TRPV4: variants seen among roughly 807,000 people sequenced by gnomAD.
TRPV4 encodes transient receptor potential cation channel subfamily V member 4.
TRPV4 carries 58 observed loss-of-function variants against 84.1 expected under a neutral mutation model. The observed-to-expected ratio is 0.69, with a 90% CI of 0.56 to 0.86. TRPV4 has a LOEUF of 0.86. TRPV4 is among the 40% of genes least tolerant of loss of function. The pLI is 0.00. For missense variants in TRPV4, 879 were observed against 1,181.1 expected, an observed-to-expected ratio of 0.74 and a Z score of 3.75; for synonymous variants, 489 against 500.9, an observed-to-expected ratio of 0.98 and a Z score of 0.32.
rs763187409 is a variant in TRPV4, at chr12:109,803,154, A to C, written c.560-11T>G. The C allele has an allele frequency of 6.2e-7, 1 of 1,613,670 alleles. No individual in the cohort carries two copies. ...TCCCCGTAGATGGCTCTAGCAAGAG[A>C]GACACACAAGATGACGCAGTGCTCC... On this transcript the variant is annotated splice_polypyrimidine_tract_variant and intron_variant, in intron 3 of 15. Coordinates refer to ENST00000261740, the MANE Select transcript of TRPV4 (RefSeq NM_021625.5).
chr12:109,818,581 C>T (rs1483490270), intron 1 of TRPV4, among the ~76,000 whole-genome samples: 1 of 151,888 alleles, frequency 6.6e-6, no homozygotes, highest in South Asian at 2.1e-4. Flanking sequence ...ATTACTGCCG[C>T]CCATTCTCAT....
intron 4 of TRPV4, among the ~76,000 whole-genome samples, chr12:109,802,335 C>T (rs375268903): frequency 1.4e-4 from 20 of 147,436 alleles, no homozygotes; most frequent in African/African-American, 4.0e-4. Flanking sequence ...GAGTCTTGCT[C>T]TTGTTGCCCA....
Position 109,798,050 on chromosome 12 carries a change from C to G in TRPV4, c.1152+564G>C, listed in dbSNP as rs1261479887. On this transcript the variant is annotated intron_variant, in intron 6 of 15. Coordinates refer to ENST00000261740, the MANE Select transcript of TRPV4 (RefSeq NM_021625.5). The surrounding 1 kb of genome is among the most constrained non-coding windows in gnomAD (Gnocchi z 5.0). The stretch of plus-strand genomic sequence containing the variant: ...GTTCCCAATCCAGCGATGGTGCCCC[C>G]CAGAGGACAATTCAGCAATGTTCTG... 6.6e-6 allele frequency among the ~76,000 whole-genome samples: 1 copy of G among 152,214 alleles called. No homozygotes were observed. Among genetic ancestry groups the G allele is most frequent in the Non-Finnish European group, 1.5e-5 (1 of 68,044 alleles).
In TRPV4 at chr12:109,783,969, C is replaced by G. The variant is rs535833062; in HGVS notation, c.2459-191G>C. 4.6e-3 allele frequency among the ~76,000 whole-genome samples: 694 copies of G among 152,282 alleles called. 8 individuals are homozygous for G. The highest frequency in any genetic ancestry group is 0.015 in the African/African-American group (638 of 41,542). On this transcript the variant is annotated intron_variant, in intron 15 of 15. Coordinates refer to ENST00000261740, the MANE Select transcript of TRPV4 (RefSeq NM_021625.5). The surrounding 1 kb of genome is among the most constrained non-coding windows in gnomAD (Gnocchi z 4.6). ...CCTCCCCAGGAGAGAATGGAGGAAC[C>G]AGGATTCAAGCCTGGAGCCGAATGC...
At chr12:109,794,919 G>A (rs1890297939) in intron 7 of TRPV4, among the ~76,000 whole-genome samples, 1 of 152,212 alleles carries the variant, frequency 6.6e-6, no homozygotes, top group Non-Finnish European at 1.5e-5. Flanking sequence ...TCCTAAGGCT[G>A]AGGCAGGAGA....
In TRPV4 at chr12:109,794,422, G is replaced by A. The variant is rs146929022; in HGVS notation, c.1398C>T (p.Phe466=). Residue 466 remains phenylalanine (F), a synonymous_variant, in exon 8 of 16, where the codon TTC becomes TTT. Coordinates refer to ENST00000261740, the MANE Select transcript of TRPV4 (RefSeq NM_021625.5). ...CGTTGATGTAGAAGGAGACGGCCCC[G>A]AACTTGCGCCACTTGTCCCGCAGCA... ...NELLRDKWRK[F]GAVSFYINVV... is the part of the protein sequence containing the mutation. The A allele has an allele frequency of 1.5e-4, 235 of 1,614,040 alleles. No individual in the cohort carries two copies. Among genetic ancestry groups the A allele is most frequent in the Middle Eastern group, 4.9e-4 (3 of 6,062 alleles).
At chr12:109,818,227 GC>G (rs1464821214) in intron 1 of TRPV4, among the ~76,000 whole-genome samples, 1 of 152,092 alleles carries the variant, frequency 6.6e-6, no homozygotes, top group African/African-American at 2.4e-5. Flanking sequence ...GAGGGGGAAG[GC>G]CTCCCCACCA....
chr12:109,798,911 C>A lies in TRPV4; in HGVS notation c.855G>T (p.Gly285=), dbSNP rs879253959. 61 of 1,609,184 alleles carry A rather than the reference C, an allele frequency of 3.8e-5. No homozygotes were observed. Among genetic ancestry groups the A allele is most frequent in the Non-Finnish European group, 4.9e-5 (58 of 1,177,304 alleles). ...AGGCAGCCAGCGACAGGGGCAGCTC[C>A]CCTGCGGGCCAGGGTGAAGGGTGGG... The part of the protein sequence containing the change: ...PKDEGGYFYF[G]ELPLSLAACT... Residue 285 remains glycine, a splice_region_variant and synonymous_variant, in exon 6 of 16, where the codon GGG becomes GGT. Coordinates refer to ENST00000261740, the MANE Select transcript of TRPV4 (RefSeq NM_021625.5). This position sits in a 1 kb window ranked among gnomAD's most constrained non-coding sequence, Gnocchi z 5.0.
chr12:109,803,074 A>G lies in TRPV4; in HGVS notation c.629T>C (p.Ile210Thr), dbSNP rs781561297. 3.1e-6 allele frequency: 5 copies of G among 1,614,200 alleles called. No homozygotes were observed. The Admixed American group carries it at 8.3e-5, about 27-fold the overall frequency. Residue 210 changes from isoleucine (I) to threonine (T), a missense_variant, in exon 4 of 16, where the codon ATC becomes ACC. This residue lies in a region of TRPV4 where 521 missense variants were observed against 686.6 expected (regional missense o/e 0.76). Coordinates refer to ENST00000261740, the MANE Select transcript of TRPV4 (RefSeq NM_021625.5). ...CTCCGCGATGTCCAGCAGCACAGGG[A>G]TGGTGTCGTTGCGGCCATTGCTCAG... ...LNLSNGRNDT[I>T]PVLLDIAERT...
At chr12:109,791,639 T>C (rs914739605) in intron 12 of TRPV4, among the ~76,000 whole-genome samples, 3 of 151,142 alleles carry the variant, frequency 2.0e-5, no homozygotes, top group Non-Finnish European at 4.4e-5. Flanking sequence ...CGCGCCACCA[T>C]GCCTGTCTAA....
chr12:109,813,963 G>A (rs1424210078), intron 2 of TRPV4, among the ~76,000 whole-genome samples: 1 of 151,880 alleles, frequency 6.6e-6, no homozygotes, highest in African/African-American at 2.4e-5. Context: ...ATGTATAAAT[G>A]AATAGATGAA....
intron 4 of TRPV4, 25 bp from the exon 5 acceptor site, chr12:109,800,783 G>C: frequency 6.2e-7 from 1 of 1,611,314 alleles, no homozygotes; most frequent in Non-Finnish European, 8.5e-7. Flanking sequence ...CGGTCATCCA[G>C]GGTCCTGGCG....
At chr12:109,799,046 C>T (rs751233852) in intron 5 of TRPV4, 134 bp from the exon 6 acceptor site, 2 of 845,830 alleles carry the variant, frequency 2.4e-6, no homozygotes, top group Non-Finnish European at 3.6e-6. Context: ...TGGATATGAA[C>T]TGCACGTTTC....
rs387906902 is a variant in TRPV4 at position 109,793,560 on chromosome 12, G to C, written c.1625C>G (p.Ser542Cys). ...LFMKKCPGVN[S>C]LFIDGSFQLL... ...CTGGAAGGAGCCATCAATGAAGAGA[G>C]AATTCACTCCAGGGCATTTCTTCAT... is the stretch of plus-strand genomic sequence containing the variant. The change falls in exon 10 of 16, where the codon TCT (serine) becomes TGT (cysteine). Residue 542 changes from serine (S) to cysteine (C), a missense_variant. Around this residue, in one of 4 missense-constraint regions of TRPV4, gnomAD observed 521 missense variants for 686.6 expected, o/e 0.76. Transcript: ENST00000261740. The surrounding 1 kb of genome is among the most constrained non-coding windows in gnomAD (Gnocchi z 4.0). The C allele has an allele frequency of 1.2e-6, 2 of 1,614,058 alleles. No homozygotes were observed. The highest frequency in any genetic ancestry group is 1.7e-6 in the Non-Finnish European group (2 of 1,180,002).
chr12:109,793,508 C>A lies in TRPV4; in HGVS notation c.1658+19G>T. 6.2e-7 allele frequency: 1 copy of A among 1,610,700 alleles called. No individual in the cohort carries two copies. Among genetic ancestry groups the A allele is most frequent in the South Asian group, 1.1e-5 (1 of 90,992 alleles). On this transcript the variant is annotated intron_variant, in intron 10 of 15. Transcript: ENST00000261740. The surrounding 1 kb of genome is among the most constrained non-coding windows in gnomAD (Gnocchi z 4.0). ...ACCTTCCTCACCCAGAAGCTGCCGG[C>A]CCAGGGACCTCTACTCACTAGAGCA...
intron 4 of TRPV4, among the ~76,000 whole-genome samples, chr12:109,801,882 T>C (rs1164820452): frequency 6.6e-6 from 1 of 152,096 alleles, no homozygotes; most frequent in African/African-American, 2.4e-5. Flanking sequence ...TCCCAGAATT[T>C]TGGACTCAAG....
rs148534854 is a variant in TRPV4, at chr12:109,798,803, G to T, written c.963C>A (p.Gly321=). 3.1e-5 allele frequency: 50 copies of T among 1,614,078 alleles called. No individual in the cohort carries two copies. The highest frequency in any genetic ancestry group is 3.3e-4 in the Middle Eastern group (2 of 6,084). ...CCACCAGCGCATGCAGCACTGTGTT[G>T]CCTCGCGAGTCCTGGCGCCGCATGT... The part of the protein sequence containing the change: ...KADMRRQDSR[G]NTVLHALVAI... Residue 321 remains glycine (G), a synonymous_variant, in exon 6 of 16, where the codon GGC becomes GGA. Transcript: ENST00000261740. The surrounding 1 kb of genome is among the most constrained non-coding windows in gnomAD (Gnocchi z 5.0).
In TRPV4 at chr12:109,786,022, G is replaced by C. The variant is rs1889663830; in HGVS notation, c.2336+688C>G. On this transcript the variant is annotated intron_variant, in intron 14 of 15. Coordinates refer to ENST00000261740, the MANE Select transcript of TRPV4 (RefSeq NM_021625.5). This position sits in a 1 kb window ranked among gnomAD's most constrained non-coding sequence, Gnocchi z 4.5. ...TGCCTCTAAAAACAAACAAAAAATGGAATTGAACTGATCGGATGGCCTAGG... is the reference window on the plus strand; with the variant it reads ...TGCCTCTAAAAACAAACAAAAAATGCAATTGAACTGATCGGATGGCCTAGG... 6.6e-6 allele frequency among the ~76,000 whole-genome samples: 1 copy of C among 152,038 alleles called. No individual in the cohort carries two copies. Among genetic ancestry groups the C allele is most frequent in the South Asian group, 2.1e-4 (1 of 4,816 alleles).
intron 1 of TRPV4, among the ~76,000 whole-genome samples, chr12:109,823,001 G>A (rs1477750034): frequency 6.6e-6 from 1 of 152,218 alleles, no homozygotes; most frequent in Non-Finnish European, 1.5e-5. Flanking sequence ...AGAGCGGCCA[G>A]ATCCAGAGCC....
Sources: allele counts gnomAD v4.1 joint callset (sites outside exome capture counted in the v4.1 genomes callset), GRCh38; gene constraint gnomAD v4.1.1; regional missense constraint gnomAD v4.1.1; non-coding constraint Gnocchi (gnomAD v3.1); transcripts MANE v1.5; gene names NCBI Gene and HGNC (gene_info 2026-07-23, HGNC 2026-07-21).